COX7C: variants seen among roughly 807,000 people sequenced by gnomAD.
The protein encoded by COX7C is cytochrome c oxidase subunit 7C, mitochondrial.
COX7C carries 1 observed loss-of-function variant against 6.4 expected under a neutral mutation model. The observed-to-expected ratio is 0.16, with a 90% CI of 0.06 to 0.74. The LOEUF is 0.74. Among genes scored for constraint, COX7C ranks in the 30% least tolerant of loss-of-function variants. The pLI is 0.78. For synonymous variants in COX7C, 24 were observed against 28.9 expected (o/e 0.83, Z 0.54); for missense variants, 54 against 73.7 (o/e 0.73, Z 0.98).
chr5:86,619,264 A>G, intron 1 of COX7C, 89 bp from the exon 2 acceptor site: 1 of 790,014 alleles, frequency 1.3e-6, no homozygotes, highest in South Asian at 1.4e-5. Flanking sequence ...GTAAAATATA[A>G]CTAGCATTTC....
At position 86,617,983 on chromosome 5, in the gene COX7C, AAG is replaced by A. The variant is rs1750031995; in HGVS notation, c.-72_-71del. 7.0e-7 allele frequency: 1 copy of A among 1,433,414 alleles called. No homozygotes were observed. The highest frequency in any genetic ancestry group is 9.8e-7 in the Non-Finnish European group (1 of 1,021,330). The allele number at this position is 1,433,414 out of a possible 1,614,324, so 88.8% of individuals were successfully genotyped here. ...ACCGGGGAACAAGGTCGTGAAAAAA[AAG>A]GTCTTGGTGAGGTGCCGCCATTTCA... On this transcript the variant is annotated 5_prime_UTR_variant, in exon 1 of 3. Coordinates refer to ENST00000247655, the MANE Select transcript of COX7C (RefSeq NM_001867.3).
intron 2 of COX7C, chr5:86,620,162 A>G (rs1372409869): frequency 6.6e-6 from 1 of 152,308 alleles, no homozygotes; most frequent in Non-Finnish European, 1.5e-5. Flanking sequence ...AAACTTTTAA[A>G]TATACTTTCC....
chr5:86,619,316 T>C, intron 1 of COX7C, 37 bp from the exon 2 acceptor site: 4 of 1,260,594 alleles, frequency 3.2e-6, no homozygotes, highest in Non-Finnish European at 4.6e-6. Context: ...TGATTTGAGA[T>C]TCAATTTCGA....
chr5:86,617,959 C>G lies in COX7C; in HGVS notation c.-97C>G. On this transcript the variant is annotated 5_prime_UTR_variant, in exon 1 of 3. Coordinates refer to ENST00000247655, the MANE Select transcript of COX7C (RefSeq NM_001867.3). ...CATCTTTCTTTTCAGTCCTTGCGCA[C>G]CGGGGAACAAGGTCGTGAAAAAAAA... 1 of 1,142,398 alleles carries G rather than the reference C, an allele frequency of 8.8e-7. No homozygotes were observed. The highest frequency in any genetic ancestry group is 1.3e-6 in the Non-Finnish European group (1 of 771,150). The allele number at this position is 1,142,398 out of a possible 1,614,324, so 70.8% of individuals were successfully genotyped here.
chr5:86,619,596 G>A lies in COX7C; in HGVS notation c.*27+100G>A, dbSNP rs557274649. The A allele has an allele frequency of 1.7e-4, 119 of 693,680 alleles. 1 individual carries two copies. The South Asian group carries it at 1.8e-3, about 10-fold the overall frequency. 43.0% of individuals were successfully genotyped at this position (693,680 alleles called of 1,614,324 possible). A position where few individuals can be genotyped will look rare whatever the true frequency, so the allele number is the denominator to read the frequency against. ...ACACACAAATACATTGTTGTGTAGG[G>A]CTGATTCCTGAGGTTATGTGTAGAT... On this transcript the variant is annotated intron_variant, in intron 2 of 2. Coordinates refer to ENST00000247655, the MANE Select transcript of COX7C (RefSeq NM_001867.3).
chr5:86,618,412 G>A (rs1262236695), intron 1 of COX7C: 2 of 436,150 alleles, frequency 4.6e-6, no homozygotes, highest in African/African-American at 2.0e-5. Context: ...GGCTCCGGGA[G>A]GCCACGGCTG....
chr5:86,618,258 A>G, intron 1 of COX7C, 128 bp downstream of exon 1: 1 of 826,202 alleles, frequency 1.2e-6, no homozygotes, highest in South Asian at 1.5e-5. Context: ...GACGCAGACT[A>G]GCATTCCACT....
Position 86,617,978 on chromosome 5 carries a change from A to G in COX7C, c.-78A>G. ...TGCGCACCGGGGAACAAGGTCGTGA[A>G]AAAAAAGGTCTTGGTGAGGTGCCGC... On this transcript the variant is annotated 5_prime_UTR_variant, in exon 1 of 3. Transcript: ENST00000247655. 1 of 1,411,040 alleles carries G rather than the reference A, an allele frequency of 7.1e-7. No homozygotes were observed. Among genetic ancestry groups the G allele is most frequent in the South Asian group, 1.2e-5 (1 of 85,658 alleles). The allele number at this position is 1,411,040 out of a possible 1,614,324, so 87.4% of individuals were successfully genotyped here. A position where few individuals can be genotyped will look rare whatever the true frequency, so the allele number is the denominator to read the frequency against.
chr5:86,618,209 G>T (rs1750038458), intron 1 of COX7C, 79 bp downstream of exon 1: 2 of 1,351,810 alleles, frequency 1.5e-6, no homozygotes, highest in African/African-American at 1.4e-5. Flanking sequence ...GCCGCCTCCG[G>T]GCTGTGGCGT....
rs898808052 is a variant in COX7C at position 86,620,824 on chromosome 5, A to T, written c.*184A>T. 1.7e-5 allele frequency: 4 copies of T among 237,916 alleles called. No individual in the cohort carries two copies. Among genetic ancestry groups the T allele is most frequent in the African/African-American group, 6.7e-5 (3 of 44,740 alleles). The allele number at this position is 237,916 out of a possible 1,614,324, so 14.7% of individuals were successfully genotyped here. ...TAATAATTGGCCATTTGCCTACTTTATTATTTGGGTAACATTCCAGTATTA... is the reference window on the plus strand; with the variant it reads ...TAATAATTGGCCATTTGCCTACTTTTTTATTTGGGTAACATTCCAGTATTA... On this transcript the variant is annotated 3_prime_UTR_variant, in exon 3 of 3. Coordinates refer to ENST00000247655, the MANE Select transcript of COX7C (RefSeq NM_001867.3).
intron 1 of COX7C, among the ~76,000 whole-genome samples, chr5:86,618,748 G>T (rs1462118291): frequency 6.6e-6 from 1 of 152,138 alleles, no homozygotes; most frequent in African/African-American, 2.4e-5. Context: ...GGAGGCTAAG[G>T]CGTTCGGATC....
At chr5:86,620,058 A>G (rs1303676388) in intron 2 of COX7C, 2 of 152,604 alleles carry the variant, frequency 1.3e-5, no homozygotes, top group African/African-American at 4.8e-5. Flanking sequence ...ATCCCTGAAG[A>G]TAAAACCCTT....
rs1454393714 is a variant in COX7C at position 86,620,464 on chromosome 5, G to A, written c.*28-204G>A. 2.0e-5 allele frequency: 5 copies of A among 248,318 alleles called. No homozygotes were observed. In the East Asian group the frequency reaches 4.4e-4, roughly 22 times the overall value. The allele number at this position is 248,318 out of a possible 1,614,324, so 15.4% of individuals were successfully genotyped here. On this transcript the variant is annotated intron_variant, in intron 2 of 2. Coordinates refer to ENST00000247655, the MANE Select transcript of COX7C (RefSeq NM_001867.3). Reference sequence around the variant, plus strand: ...ATTGGAAAGAGTGTCATAGTTTAGAGGGGGAATAACTTATCCAAGCTACTA... The same window carrying A: ...ATTGGAAAGAGTGTCATAGTTTAGAAGGGGAATAACTTATCCAAGCTACTA...
At position 86,620,651 on chromosome 5, in the gene COX7C, C is replaced by T. The variant is rs151331151; in HGVS notation, c.*28-17C>T. ...GGGATTTTTAAAATGCCATTAATTT[C>T]TGTTTTTATTTTGCAGATATGAAGA... On this transcript the variant is annotated splice_polypyrimidine_tract_variant and intron_variant, in intron 2 of 2. Coordinates refer to ENST00000247655, the MANE Select transcript of COX7C (RefSeq NM_001867.3). 25 of 436,924 alleles carry T rather than the reference C, an allele frequency of 5.7e-5. No homozygotes were observed. Among genetic ancestry groups the T allele is most frequent in the African/African-American group, 5.0e-4 (25 of 49,626 alleles). 27.1% of individuals were successfully genotyped at this position (436,924 alleles called of 1,614,324 possible).
Position 86,618,140 on chromosome 5 carries a change from T to C in COX7C, c.75+10T>C. The C allele has an allele frequency of 3.7e-6, 6 of 1,613,802 alleles. No homozygotes were observed. Among genetic ancestry groups the C allele is most frequent in the Non-Finnish European group, 5.1e-6 (6 of 1,179,762 alleles). ...GGAGGGCCCTGGGAAGGTTAGTGTG[T>C]AAGGGGCACGGCTTCGTTGGGGGAG... is the stretch of plus-strand genomic sequence containing the variant. On this transcript the variant is annotated intron_variant, in intron 1 of 2. Coordinates refer to ENST00000247655, the MANE Select transcript of COX7C (RefSeq NM_001867.3).
In COX7C at chr5:86,618,019, C is replaced by A. The variant is rs541404086; in HGVS notation, c.-37C>A. The A allele has an allele frequency of 1.4e-5, 23 of 1,606,894 alleles. No homozygotes were observed. In the South Asian group the frequency reaches 2.5e-4, roughly 18 times the overall value. On this transcript the variant is annotated 5_prime_UTR_variant, in exon 1 of 3. Coordinates refer to ENST00000247655, the MANE Select transcript of COX7C (RefSeq NM_001867.3). The stretch of plus-strand genomic sequence containing the variant: ...GAGGTGCCGCCATTTCATCTGTCCT[C>A]ATTCTCTGCGCCTTTCGCAGAGCTT...
intron 1 of COX7C, 145 bp from the exon 2 acceptor site, chr5:86,619,208 T>A (rs1397657078): frequency 1.6e-6 from 1 of 616,062 alleles, no homozygotes; most frequent in Non-Finnish European, 2.9e-6. Context: ...GAAAGATAAA[T>A]GTTTAAAACG....
At chr5:86,619,563 CAGAACACACACACAAATACATTGTTGTGT>C in intron 2 of COX7C, 67 bp downstream of exon 2, 1 of 793,294 alleles carries the variant, frequency 1.3e-6, no homozygotes, top group Non-Finnish European at 2.2e-6. Flanking sequence ...CCCCATCACC[CAGAACACACACACAAATACATTGTTGTGT>C]AGGGCTGATT....
At chr5:86,618,883 G>A (rs981062755) in intron 1 of COX7C, among the ~76,000 whole-genome samples, 1 of 151,694 alleles carries the variant, frequency 6.6e-6, no homozygotes, top group Admixed American at 6.6e-5. Flanking sequence ...TCGGGAGGCT[G>A]AGGCAGGAGA....
Sources: gnomAD v4.1 joint callset for allele counts (sites outside exome capture counted in the v4.1 genomes callset) on GRCh38, gnomAD v4.1.1 for gene constraint, MANE v1.5 for transcripts, NCBI Gene and HGNC (gene_info 2026-07-23, HGNC 2026-07-21) for gene names.